The following CHST11 variants were observed in gnomAD, a reference collection of about 807,000 sequenced individuals.
CHST11 encodes carbohydrate sulfotransferase 11.
CHST11 carries 9 observed loss-of-function variants against 30.4 expected under a neutral mutation model. That is an observed-to-expected ratio of 0.30 (90% confidence interval 0.18 to 0.52). The LOEUF is 0.52. CHST11 is among the 20% of genes least tolerant of loss of function. The pLI is 0.97. For missense variants in CHST11, 348 were observed against 460.6 expected (o/e 0.76, Z 2.24); for synonymous variants, 152 against 187.8 (o/e 0.81, Z 1.56).
intron 1 of CHST11, among the ~76,000 whole-genome samples, chr12:104,590,792 C>T (rs1279193189): frequency 6.6e-6 from 1 of 152,084 alleles, no homozygotes. Flanking sequence ...CATGGTGGCA[C>T]ACGCCTGTAA....
intron 1 of CHST11, among the ~76,000 whole-genome samples, chr12:104,475,911 A>T (rs11112073): frequency 7.0e-6 from 1 of 143,168 alleles, no homozygotes; most frequent in Non-Finnish European, 1.5e-5. Context: ...ATATATATAT[A>T]TGACTTTTTT....
intron 1 of CHST11, among the ~76,000 whole-genome samples, chr12:104,543,992 C>T (rs12424144): frequency 0.26 from 39,143 of 151,122 alleles, 5,283 homozygotes; most frequent in Middle Eastern, 0.4. Flanking sequence ...AGCCTGGTGG[C>T]ATACACCTGT....
chr12:104,657,882 G>A (rs1159950295), intron 2 of CHST11, among the ~76,000 whole-genome samples: 1 of 152,162 alleles, frequency 6.6e-6, no homozygotes, highest in Non-Finnish European at 1.5e-5. Flanking sequence ...CTGGAGCAGG[G>A]TGTCCAAGGC....
intron 1 of CHST11, among the ~76,000 whole-genome samples, chr12:104,461,859 T>A (rs1313828931): frequency 6.6e-6 from 1 of 152,136 alleles, no homozygotes; most frequent in Non-Finnish European, 1.5e-5. Context: ...TAACATGTGC[T>A]CATTTTAGAA....
intron 2 of CHST11, among the ~76,000 whole-genome samples, chr12:104,661,874 C>T (rs1481511705): frequency 6.6e-6 from 1 of 152,144 alleles, no homozygotes; most frequent in Non-Finnish European, 1.5e-5. Context: ...ACTAGTGTTT[C>T]CACCTCCTTG....
chr12:104,722,701 G>T (rs1213356176), intron 2 of CHST11, among the ~76,000 whole-genome samples: 1 of 151,996 alleles, frequency 6.6e-6, no homozygotes, highest in Non-Finnish European at 1.5e-5. Flanking sequence ...GCTGGAAAGA[G>T]TGTCCAAAGA....
At chr12:104,480,181 C>T (rs1470748056) in intron 1 of CHST11, among the ~76,000 whole-genome samples, 1 of 152,124 alleles carries the variant, frequency 6.6e-6, no homozygotes, top group African/African-American at 2.4e-5. Context: ...AGTCAGTGCA[C>T]TGAGTTGATA....
At chr12:104,670,620 C>A (rs963306184) in intron 2 of CHST11, among the ~76,000 whole-genome samples, 1 of 149,600 alleles carries the variant, frequency 6.7e-6, no homozygotes, top group South Asian at 2.1e-4. Context: ...CATCCATACA[C>A]ACGCACTCAC....
chr12:104,598,648 G>A (rs779088377), intron 1 of CHST11, among the ~76,000 whole-genome samples: 1 of 152,262 alleles, frequency 6.6e-6, no homozygotes, highest in Non-Finnish European at 1.5e-5. Flanking sequence ...CATGGGGAAA[G>A]TGAGTAGGGC....
At chr12:104,574,866 AAGAAAAAAAG>A (rs2038666417) in intron 1 of CHST11, among the ~76,000 whole-genome samples, 2 of 151,620 alleles carry the variant, frequency 1.3e-5, no homozygotes, top group African/African-American at 4.9e-5. Context: ...ATTAAAAAAA[AAGAAAAAAAG>A]AAAGAAAAAG....
intron 2 of CHST11, among the ~76,000 whole-genome samples, chr12:104,669,549 C>T (rs984864731): frequency 6.6e-6 from 1 of 152,156 alleles, no homozygotes; most frequent in Non-Finnish European, 1.5e-5. Flanking sequence ...GTTAATTGGG[C>T]ATCTCCCTGC....
chr12:104,561,632 A>G (rs900240951), intron 1 of CHST11, among the ~76,000 whole-genome samples: 1 of 152,138 alleles, frequency 6.6e-6, no homozygotes, highest in Non-Finnish European at 1.5e-5. Flanking sequence ...AAATGATTTG[A>G]TTCTGCTGGA....
intron 2 of CHST11, among the ~76,000 whole-genome samples, chr12:104,628,836 C>G (rs1006286538): frequency 6.6e-6 from 1 of 152,132 alleles, no homozygotes; most frequent in Admixed American, 6.5e-5. Context: ...CTTTGAGAGC[C>G]CTTTGCTTAT....
In CHST11 at chr12:104,686,991, A is replaced by G. The variant is rs560007733; in HGVS notation, c.205-69958A>G. ...TTTGTTTTAAAATTGTATATTTTGG[A>G]TCAGTTTGCATCTCTCTCTCTCTAC... is the stretch of plus-strand genomic sequence containing the variant. On this transcript the variant is annotated intron_variant, in intron 2 of 2. Transcript: ENST00000303694. 4.0e-4 allele frequency among the ~76,000 whole-genome samples: 61 copies of G among 152,286 alleles called. 1 individual carries two copies. In the South Asian group the frequency reaches 0.01, roughly 26 times the overall value.
chr12:104,464,869 GGAGTGGAAGACCC>G (rs2037443714), intron 1 of CHST11, among the ~76,000 whole-genome samples: 1 of 152,140 alleles, frequency 6.6e-6, no homozygotes, highest in Non-Finnish European at 1.5e-5. Flanking sequence ...CAGCGCTCTG[GGAGTGGAAGACCC>G]GAGTCCTAGT....
At position 104,676,143 on chromosome 12, in the gene CHST11, A is replaced by G. The variant is rs1032561046; in HGVS notation, c.204+74152A>G. Among the ~76,000 whole-genome samples the G allele has an allele frequency of 5.3e-5, 8 of 152,220 alleles. No individual in the cohort carries two copies. The highest frequency in any genetic ancestry group is 1.9e-4 in the African/African-American group (8 of 41,454). The stretch of plus-strand genomic sequence containing the variant: ...GATCAGCCTGCAGTTAGGGCACCGT[A>G]TTGGTTTCCAATTGCTGCTGTAACA... On this transcript the variant is annotated intron_variant, in intron 2 of 2. Coordinates refer to ENST00000303694, the MANE Select transcript of CHST11 (RefSeq NM_018413.6). This position sits in a 1 kb window ranked among gnomAD's most constrained non-coding sequence, Gnocchi z 4.4.
At chr12:104,667,089 C>T (rs1430984298) in intron 2 of CHST11, among the ~76,000 whole-genome samples, 2 of 152,096 alleles carry the variant, frequency 1.3e-5, no homozygotes, top group African/African-American at 2.4e-5. Flanking sequence ...TTAAATGATA[C>T]GAAGTTATTT....
intron 1 of CHST11, among the ~76,000 whole-genome samples, chr12:104,556,302 C>T (rs967198873): frequency 5.3e-5 from 8 of 152,088 alleles, no homozygotes; most frequent in South Asian, 2.1e-4. Context: ...CCAAAGCCCC[C>T]CTTTTCCCAG....
rs543618752 is a variant in CHST11, at chr12:104,668,362, A to T, written c.204+66371A>T. 7.2e-5 allele frequency among the ~76,000 whole-genome samples: 11 copies of T among 152,240 alleles called. No individual in the cohort carries two copies. In the South Asian group the frequency reaches 2.3e-3, roughly 32 times the overall value. On this transcript the variant is annotated intron_variant, in intron 2 of 2. Coordinates refer to ENST00000303694, the MANE Select transcript of CHST11 (RefSeq NM_018413.6). ...GTCATTATCCAGTTTCCGTATGTGGAGCATCTCTGTAACTCCTCTAAGGTC... is the reference window on the plus strand; with the variant it reads ...GTCATTATCCAGTTTCCGTATGTGGTGCATCTCTGTAACTCCTCTAAGGTC...
Sources: gnomAD v4.1 joint callset for allele counts (sites outside exome capture counted in the v4.1 genomes callset) on GRCh38, gnomAD v4.1.1 for gene constraint, Gnocchi (gnomAD v3.1) non-coding constraint, MANE v1.5 for transcripts, NCBI Gene and HGNC (gene_info 2026-07-23, HGNC 2026-07-21) for gene names.